The following HSPG2 variants were observed in gnomAD, a reference collection of about 807,000 sequenced individuals.
HSPG2 encodes the protein heparan sulfate proteoglycan 2.
In HSPG2, 278 loss-of-function variants were observed where a neutral mutation model predicts 526.6. The ratio of observed to expected loss-of-function variants is 0.53; its 90% CI spans 0.48 to 0.58. HSPG2 has a LOEUF of 0.58. HSPG2 is among the 20% of genes least tolerant of loss of function. HSPG2 has a pLI of 0.00. For synonymous variants in HSPG2, 2,465 were observed against 2,555.4 expected (o/e 0.96, Z 1.07); for missense variants, 5,354 against 6,099.5 (o/e 0.88, Z 4.07).
Position 21,874,604 on chromosome 1 carries a change from G to A in HSPG2, c.3528+12C>T, listed in dbSNP as rs1283996915. ...AGATTGCTGGGGTGGGCGGAAGGAG[G>A]GCGGGACTTACCTGGCAGGCACCTG... is the stretch of plus-strand genomic sequence containing the variant. On this transcript the variant is annotated intron_variant, in intron 27 of 96. Coordinates refer to ENST00000374695, the MANE Select transcript of HSPG2 (RefSeq NM_005529.7). 4 of 1,613,942 alleles carry A rather than the reference G, an allele frequency of 2.5e-6. No individual in the cohort carries two copies. In the South Asian group the frequency reaches 4.4e-5, roughly 18 times the overall value.
At chr1:21,825,683 T>C (rs2097970776) in intron 91 of HSPG2, among the ~76,000 whole-genome samples, 1 of 152,362 alleles carries the variant, frequency 6.6e-6, no homozygotes, top group East Asian at 1.9e-4. Flanking sequence ...ACACCTATGA[T>C]GTGGCTGTGC....
rs763948606 is a variant in HSPG2 at position 21,855,379 on chromosome 1, C to A, written c.5922G>T (p.Arg1974Ser). The change falls in exon 47 of 97, where the codon AGG (arginine) becomes AGT (serine). Residue 1974 changes from arginine (R) to serine (S), a missense_variant. Coordinates refer to ENST00000374695, the MANE Select transcript of HSPG2 (RefSeq NM_005529.7). ...GCACGCCTGCAGCCCTGCAGTACAG[C>A]CTGACGGTGCGGCCTGCGTGGACCT... ...RTQVHAGRTV[R>S]LYCRAAGVPS... The A allele has an allele frequency of 1.9e-6, 3 of 1,612,606 alleles. No individual in the cohort carries two copies. Among genetic ancestry groups the A allele is most frequent in the African/African-American group, 2.7e-5 (2 of 74,926 alleles).
At position 21,904,621 on chromosome 1, in the gene HSPG2, G is replaced by A. The variant is rs979186500; in HGVS notation, c.64-8311C>T. Among the ~76,000 whole-genome samples, 2 of 152,214 alleles carry A rather than the reference G, an allele frequency of 1.3e-5. No individual in the cohort carries two copies. Among genetic ancestry groups the A allele is most frequent in the African/African-American group, 2.4e-5 (1 of 41,448 alleles). The stretch of plus-strand genomic sequence containing the variant: ...AATGAGCTGCCTGCCAGCTTACAGG[G>A]AACCAGGAAGCCACCGGGAAATGCC... On this transcript the variant is annotated intron_variant, in intron 1 of 96. Transcript: ENST00000374695. This position sits in a 1 kb window ranked among gnomAD's most constrained non-coding sequence, Gnocchi z 4.4.
Position 21,887,414 on chromosome 1 carries a change from G to C in HSPG2, c.958+6C>G. Reference sequence around the variant, plus strand: ...CGCACCCACCTGCACCCCTGCCGGTGCGCACCACAGTCTAGCTCATCGCTG... The same window carrying C: ...CGCACCCACCTGCACCCCTGCCGGTCCGCACCACAGTCTAGCTCATCGCTG... On this transcript the variant is annotated splice_donor_region_variant and intron_variant, in intron 8 of 96. Transcript: ENST00000374695. The surrounding 1 kb of genome is among the most constrained non-coding windows in gnomAD (Gnocchi z 5.0). 2 of 1,613,998 alleles carry C rather than the reference G, an allele frequency of 1.2e-6. No homozygotes were observed. Among genetic ancestry groups the C allele is most frequent in the Non-Finnish European group, 1.7e-6 (2 of 1,179,964 alleles).
Position 21,828,092 on chromosome 1 carries a change from C to T in HSPG2, c.12470G>A (p.Gly4157Asp). The change falls in exon 90 of 97, where the codon GGC (glycine) becomes GAC (aspartate). Residue 4157 changes from glycine to aspartate, a missense_variant. Coordinates refer to ENST00000374695, the MANE Select transcript of HSPG2 (RefSeq NM_005529.7). The surrounding 1 kb of genome is among the most constrained non-coding windows in gnomAD (Gnocchi z 6.0). Reference sequence around the variant, plus strand: ...GAGGCAGCGGGTGCCCTGGCAGGTGCCCCCATGCAGACAGGGTTCACGGAG... The same window carrying T: ...GAGGCAGCGGGTGCCCTGGCAGGTGTCCCCATGCAGACAGGGTTCACGGAG... ...CQLREPCLHG[G>D]TCQGTRCLCL... is the part of the protein sequence containing the mutation. The T allele has an allele frequency of 1.9e-6, 3 of 1,613,114 alleles. No individual in the cohort carries two copies. The highest frequency in any genetic ancestry group is 2.5e-6 in the Non-Finnish European group (3 of 1,179,900).
At chr1:21,918,990 G>A (rs553637042) in intron 1 of HSPG2, among the ~76,000 whole-genome samples, 12 of 152,236 alleles carry the variant, frequency 7.9e-5, no homozygotes, top group South Asian at 4.1e-4. Flanking sequence ...GCTGCTGCCC[G>A]CCCTACAGGC....
In HSPG2 at chr1:21,822,499, C is replaced by T. The variant is rs549986026; in HGVS notation, c.*817G>A. On this transcript the variant is annotated 3_prime_UTR_variant, in exon 97 of 97. Transcript: ENST00000374695. ...TGAGCACCAGCGGCATCCGTCCGTCCGTTGTCTGTTGGAGGAGTCCCTGGG... is the reference window on the plus strand; with the variant it reads ...TGAGCACCAGCGGCATCCGTCCGTCTGTTGTCTGTTGGAGGAGTCCCTGGG... 227 of 321,424 alleles carry T rather than the reference C, an allele frequency of 7.1e-4. 2 individuals carry two copies. The highest frequency in any genetic ancestry group is 4.0e-3 in the South Asian group (148 of 37,334). 19.9% of individuals were successfully genotyped at this position (321,424 alleles called of 1,614,324 possible). A position where few individuals can be genotyped will look rare whatever the true frequency, so the allele number is the denominator to read the frequency against.
chr1:21,887,732 T>A lies in HSPG2; in HGVS notation c.704-58A>T. On this transcript the variant is annotated intron_variant, in intron 7 of 96. Transcript: ENST00000374695. This position sits in a 1 kb window ranked among gnomAD's most constrained non-coding sequence, Gnocchi z 5.0. ...AGCAGATGGCTCCTCACCTGCTCCT[T>A]GTCCCCAACCCTCCCCAGGCCCACC... 1 of 1,610,648 alleles carries A rather than the reference T, an allele frequency of 6.2e-7. No individual in the cohort carries two copies. The highest frequency in any genetic ancestry group is 8.5e-7 in the Non-Finnish European group (1 of 1,177,372).
intron 1 of HSPG2, among the ~76,000 whole-genome samples, chr1:21,930,900 C>G (rs1644330347): frequency 6.6e-6 from 1 of 152,208 alleles, no homozygotes; most frequent in Non-Finnish European, 1.5e-5. Context: ...TCAACACACT[C>G]TGCAAGGCTT....
At chr1:21,891,779 G>T (rs2454296) in intron 3 of HSPG2, among the ~76,000 whole-genome samples, 145,625 of 152,236 alleles carry the variant, frequency 0.96, 70,014 homozygotes, top group East Asian at 1. Flanking sequence ...CCCAGCTAAT[G>T]TTTTGACTTT....
intron 50 of HSPG2, among the ~76,000 whole-genome samples, chr1:21,853,454 C>T (rs1639070764): frequency 6.6e-6 from 1 of 152,136 alleles, no homozygotes; most frequent in African/African-American, 2.4e-5. Context: ...TTAAACCACA[C>T]CATGACTGGC....
Position 21,872,449 on chromosome 1 carries a change from G to A in HSPG2, c.4030-72C>T. On this transcript the variant is annotated intron_variant, in intron 32 of 96. Transcript: ENST00000374695. The surrounding 1 kb of genome is among the most constrained non-coding windows in gnomAD (Gnocchi z 5.5). ...CTTGGTGGGGGATGGGGCACGGGAG[G>A]GTGTTAAGGTGCGGAATGGGGTCCT... 6.9e-7 allele frequency: 1 copy of A among 1,442,120 alleles called. No homozygotes were observed. Among genetic ancestry groups the A allele is most frequent in the East Asian group, 2.5e-5 (1 of 40,208 alleles). The allele number at this position is 1,442,120 out of a possible 1,614,324, so 89.3% of individuals were successfully genotyped here. A position where few individuals can be genotyped will look rare whatever the true frequency, so the allele number is the denominator to read the frequency against.
chr1:21,848,846 G>C lies in HSPG2; in HGVS notation c.7585+47C>G. ...TGTGGGAGCTGCTGAGGGTGCAGTC[G>C]GGGTCCCCCAGCCCTCCACCATTTG... On this transcript the variant is annotated intron_variant, in intron 58 of 96. Coordinates refer to ENST00000374695, the MANE Select transcript of HSPG2 (RefSeq NM_005529.7). The surrounding 1 kb of genome is among the most constrained non-coding windows in gnomAD (Gnocchi z 4.9). 1 of 1,613,010 alleles carries C rather than the reference G, an allele frequency of 6.2e-7. No homozygotes were observed. The highest frequency in any genetic ancestry group is 8.5e-7 in the Non-Finnish European group (1 of 1,179,918).
Position 21,848,739 on chromosome 1 carries a change from A to G in HSPG2, c.7641T>C (p.Asn2547=), listed in dbSNP as rs776044936. 4 of 1,613,800 alleles carry G rather than the reference A, an allele frequency of 2.5e-6. No homozygotes were observed. The highest frequency in any genetic ancestry group is 3.4e-6 in the Non-Finnish European group (4 of 1,179,910). The change falls in exon 59 of 97, where the codon AAT becomes AAC. Residue 2547 remains asparagine (N), a synonymous_variant. Transcript: ENST00000374695. The surrounding 1 kb of genome is among the most constrained non-coding windows in gnomAD (Gnocchi z 4.9). ...RIESSSASLA[N]GHTLDLNCLV... ...GGCAGTTGAGGTCCAGGGTGTGTCC[A>G]TTGGCCAGGGAGGCTGAGGAGGACT...
intron 38 of HSPG2, 47 bp from the exon 39 acceptor site, chr1:21,861,890 A>G: frequency 6.2e-7 from 1 of 1,613,094 alleles, no homozygotes; most frequent in Non-Finnish European, 8.5e-7. Context: ...CCCAATCTCC[A>G]TCTTGCTCCC....
At chr1:21,886,144 C>T (rs1483682514) in intron 9 of HSPG2, among the ~76,000 whole-genome samples, 1 of 152,272 alleles carries the variant, frequency 6.6e-6, no homozygotes, top group Non-Finnish European at 1.5e-5. Flanking sequence ...TTCTGTTCCC[C>T]ACACTCTCAG....
intron 1 of HSPG2, among the ~76,000 whole-genome samples, chr1:21,905,505 G>C (rs984799505): frequency 1.3e-5 from 2 of 152,192 alleles, no homozygotes; most frequent in African/African-American, 2.4e-5. Flanking sequence ...ACATTGGGAG[G>C]CCGAGGCGGG....
At position 21,892,360 on chromosome 1, in the gene HSPG2, G is replaced by A. The variant is rs181063796; in HGVS notation, c.245-1666C>T. On this transcript the variant is annotated intron_variant, in intron 3 of 96. Transcript: ENST00000374695. Reference sequence around the variant, plus strand: ...ACGGCCCAGCGCGGGCGAGGAGGCCGGGCCTCTGCCCAGGAATGTGCCCGC... The same window carrying A: ...ACGGCCCAGCGCGGGCGAGGAGGCCAGGCCTCTGCCCAGGAATGTGCCCGC... 9.7e-3 allele frequency among the ~76,000 whole-genome samples: 1,477 copies of A among 152,406 alleles called. 11 individuals are homozygous for A. Among genetic ancestry groups the A allele is most frequent in the Non-Finnish European group, 0.014 (940 of 68,044 alleles).
At chr1:21,823,768 C>T in intron 95 of HSPG2, 49 bp from the exon 96 acceptor site, 3 of 1,433,270 alleles carry the variant, frequency 2.1e-6, no homozygotes. Flanking sequence ...CCTGGTCCTC[C>T]CCGGCCCCAC....
Sources: gnomAD v4.1 joint callset for allele counts (sites outside exome capture counted in the v4.1 genomes callset) on GRCh38, gnomAD v4.1.1 for gene constraint, Gnocchi (gnomAD v3.1) non-coding constraint, MANE v1.5 for transcripts, NCBI Gene and HGNC (gene_info 2026-07-23, HGNC 2026-07-21) for gene names.